GSE1: variants seen among roughly 807,000 people sequenced by gnomAD.
The protein encoded by GSE1 is genetic suppressor element 1.
A neutral mutation model predicts 112.6 loss-of-function variants in GSE1; 32 were observed. That is an observed-to-expected ratio of 0.28 (90% CI 0.21 to 0.38). The LOEUF is 0.38. GSE1 is among the 10% of genes least tolerant of loss of function. GSE1 has a pLI of 1.00. For missense variants in GSE1, 2,348 were observed against 1,699.2 expected, an observed-to-expected ratio of 1.38 and a Z score of -6.71; for synonymous variants, 1,115 against 735.6, an observed-to-expected ratio of 1.52 and a Z score of -8.35.
chr16:85,629,245 T>C (rs1343575721), intron 1 of GSE1, among the ~76,000 whole-genome samples: 3 of 152,246 alleles, frequency 2.0e-5, no homozygotes, highest in Non-Finnish European at 1.5e-5. Flanking sequence ...GGTATTTCTT[T>C]ATAGCAACAC....
intron 2 of GSE1, among the ~76,000 whole-genome samples, chr16:85,359,914 G>C (rs144683339): frequency 0.053 from 8,098 of 152,194 alleles, 741 homozygotes; most frequent in African/African-American, 0.19. Context: ...CGCACCTGTG[G>C]TCCCAGCTAC....
chr16:85,627,487 T>A (rs1211171274), intron 1 of GSE1, among the ~76,000 whole-genome samples: 1 of 151,526 alleles, frequency 6.6e-6, no homozygotes, highest in African/African-American at 2.4e-5. Context: ...TGGCAGCTTT[T>A]TTTTTCCTGG....
intron 1 of GSE1, among the ~76,000 whole-genome samples, chr16:85,315,933 G>C (rs4782697): frequency 6.6e-6 from 1 of 152,136 alleles, no homozygotes; most frequent in Non-Finnish European, 1.5e-5. Context: ...AGTGGGAGGG[G>C]GGGTGAAGGT....
chr16:85,439,082 C>T (rs2049316093), intron 2 of GSE1, among the ~76,000 whole-genome samples: 1 of 152,238 alleles, frequency 6.6e-6, no homozygotes. Flanking sequence ...TGCCCTCTGG[C>T]CCTCTGAGGC....
At chr16:85,635,489 G>A (rs2049917120) in intron 2 of GSE1, among the ~76,000 whole-genome samples, 1 of 147,066 alleles carries the variant, frequency 6.8e-6, no homozygotes, top group African/African-American at 2.5e-5. Flanking sequence ...CTGCCTGCCT[G>A]GTGGAGGCAT....
intron 1 of GSE1, among the ~76,000 whole-genome samples, chr16:85,222,431 G>T (rs1164939749): frequency 6.6e-6 from 1 of 152,218 alleles, no homozygotes; most frequent in Non-Finnish European, 1.5e-5. Context: ...TCCACTTGGG[G>T]ATTATCTTCA....
upstream of GSE1, chr16:85,613,148 C>T (rs1461318485): frequency 2.3e-6 from 3 of 1,311,772 alleles, no homozygotes; most frequent in Non-Finnish European, 3.0e-6. Flanking sequence ...ACACCTCCCG[C>T]TGGCTGAGGT....
intron 2 of GSE1, among the ~76,000 whole-genome samples, chr16:85,492,739 C>T (rs986927279): frequency 6.2e-5 from 9 of 144,392 alleles, no homozygotes; most frequent in Admixed American, 3.4e-4. Context: ...CAGAGGGAGC[C>T]GTCCCTGGGG....
intron 1 of GSE1, among the ~76,000 whole-genome samples, chr16:85,617,049 C>T (rs1338212940): frequency 1.3e-5 from 2 of 152,212 alleles, no homozygotes; most frequent in Non-Finnish European, 2.9e-5. Flanking sequence ...AACCACACGC[C>T]ATTCTCGCCA....
At chr16:85,534,705 G>A (rs62048399) in intron 2 of GSE1, among the ~76,000 whole-genome samples, 9,587 of 152,278 alleles carry the variant, frequency 0.063, 395 homozygotes, top group Middle Eastern at 0.15. Flanking sequence ...GTCTGTTGGG[G>A]CCCTCCCGTC....
intron 1 of GSE1, among the ~76,000 whole-genome samples, chr16:85,569,656 A>G (rs1040248205): frequency 2.6e-5 from 4 of 151,752 alleles, no homozygotes; most frequent in African/African-American, 9.7e-5. Flanking sequence ...ACCTCCTGGG[A>G]CTCCCTAGCT....
intron 1 of GSE1, among the ~76,000 whole-genome samples, chr16:85,604,870 T>G (rs1466472800): frequency 2.3e-5 from 2 of 85,512 alleles, no homozygotes; most frequent in Non-Finnish European, 4.2e-5. Flanking sequence ...CAGGCTGGAG[T>G]GCAGTGGCGG....
intron 2 of GSE1, among the ~76,000 whole-genome samples, chr16:85,424,279 C>T (rs551550004): frequency 6.6e-6 from 1 of 152,256 alleles, no homozygotes; most frequent in South Asian, 2.1e-4. Context: ...GTACAGACAT[C>T]TTACCCAGAA....
At chr16:85,502,936 C>T (rs912282498) in intron 2 of GSE1, among the ~76,000 whole-genome samples, 4 of 151,950 alleles carry the variant, frequency 2.6e-5, no homozygotes, top group Admixed American at 6.5e-5. Context: ...GAATGCGTGG[C>T]GGGAGGAGGA....
intron 1 of GSE1, among the ~76,000 whole-genome samples, chr16:85,182,760 G>T (rs1417423705): frequency 1.3e-5 from 2 of 152,106 alleles, no homozygotes; most frequent in African/African-American, 4.8e-5. Flanking sequence ...GGAGCCGCCT[G>T]CGTGGGAGGG....
intron 2 of GSE1, among the ~76,000 whole-genome samples, chr16:85,388,637 T>G (rs1289239106): frequency 6.7e-6 from 1 of 148,250 alleles, no homozygotes; most frequent in Non-Finnish European, 1.5e-5. Context: ...GATACATAGG[T>G]GTGTGGGTGG....
At chr16:85,633,373 C>G (rs1360593589) in intron 1 of GSE1, among the ~76,000 whole-genome samples, 2 of 152,298 alleles carry the variant, frequency 1.3e-5, no homozygotes, top group Non-Finnish European at 2.9e-5. Flanking sequence ...GTTTCCTTTT[C>G]TGTAACGTGG....
chr16:85,224,161 T>C lies in GSE1; in HGVS notation c.2283+52354T>C, dbSNP rs2075440759. Among the ~76,000 whole-genome samples, 3 of 151,684 alleles carry C rather than the reference T, an allele frequency of 2.0e-5. 1 individual carries two copies. The South Asian group carries it at 6.3e-4, about 32-fold the overall frequency. On this transcript the variant is annotated intron_variant, in intron 1 of 2. Coordinates refer to the GSE1 transcript ENST00000637419. ...TCCGGTTCCTGTGGGAGAGGCCCTG[T>C]CCCACGATGCTGGTGGGGAGAAAGG...
chr16:85,570,636 C>A (rs1248444159), intron 1 of GSE1, among the ~76,000 whole-genome samples: 1 of 152,170 alleles, frequency 6.6e-6, no homozygotes, highest in Non-Finnish European at 1.5e-5. Flanking sequence ...GGGTGAGCCG[C>A]GTGGGAGGAA....
Sources: allele counts gnomAD v4.1 joint callset (sites outside exome capture counted in the v4.1 genomes callset), GRCh38; gene constraint gnomAD v4.1.1; transcripts MANE v1.5; gene names NCBI Gene and HGNC (gene_info 2026-07-23, HGNC 2026-07-21).